RNLS: variants seen among roughly 807,000 people sequenced by gnomAD.
RNLS encodes renalase, FAD dependent amine oxidase, also known as renalase.
RNLS carries 39 observed loss-of-function variants against 39.8 expected under a neutral mutation model. The observed-to-expected ratio is 0.98, with a 90% CI of 0.76 to 1.28. The LOEUF is 1.28. RNLS is among the 50% of genes most tolerant of loss of function. The pLI is 0.00. For missense variants in RNLS, 410 were observed against 413.3 expected (o/e 0.99, Z 0.07); for synonymous variants, 147 against 150.7 (o/e 0.98, Z 0.18).
chr10:88,410,049 A>C (rs192451046), intron 4 of RNLS, among the ~76,000 whole-genome samples: 1 of 152,228 alleles, frequency 6.6e-6, no homozygotes, highest in African/African-American at 2.4e-5. Context: ...GTGTTCAGCA[A>C]AACTTTACTT....
the RNLS span, among the ~76,000 whole-genome samples, chr10:88,208,539 A>G: frequency 4.6e-5 from 7 of 152,202 alleles, no homozygotes; most frequent in African/African-American, 1.7e-4. Flanking sequence ...ACTAGAATAG[A>G]GAGCCAATAA....
chr10:88,419,349 G>C (rs1394385317), intron 4 of RNLS, among the ~76,000 whole-genome samples: 1 of 152,182 alleles, frequency 6.6e-6, no homozygotes, highest in African/African-American at 2.4e-5. Flanking sequence ...TTCTGTCTTA[G>C]AGATCATTCA....
At chr10:88,262,765 A>G in the RNLS span, among the ~76,000 whole-genome samples, 1 of 152,228 alleles carries the variant, frequency 6.6e-6, no homozygotes, top group Non-Finnish European at 1.5e-5. Flanking sequence ...GATTTGACTG[A>G]AAACACATTT....
chr10:88,387,907 C>T (rs1313935495), intron 4 of RNLS, among the ~76,000 whole-genome samples: 1 of 152,170 alleles, frequency 6.6e-6, no homozygotes, highest in Non-Finnish European at 1.5e-5. Flanking sequence ...CACGACCACA[C>T]ACCTTGAAAA....
intron 4 of RNLS, among the ~76,000 whole-genome samples, chr10:88,419,341 CTG>C (rs761056626): frequency 1.4e-4 from 21 of 152,156 alleles, no homozygotes; most frequent in Non-Finnish European, 8.8e-5. Flanking sequence ...TGCAAGAATT[CTG>C]TCTTAGAGAT....
Position 88,529,303 on chromosome 10 carries a change from T to C in RNLS, c.526+43600A>G, listed in dbSNP as rs200756539. Among the ~76,000 whole-genome samples, 6 of 152,280 alleles carry C rather than the reference T, an allele frequency of 3.9e-5. No homozygotes were observed. The East Asian group carries it at 1.2e-3, about 29-fold the overall frequency. ...CTACCATAAATTGTATAGGGGCAGG[T>C]TCTCCCCTGCAAAGGTATGTGGTTT... On this transcript the variant is annotated intron_variant, in intron 4 of 6. Transcript: ENST00000331772.
chr10:88,518,600 A>C (rs2134184827), intron 4 of RNLS, among the ~76,000 whole-genome samples: 1 of 152,044 alleles, frequency 6.6e-6, no homozygotes, highest in East Asian at 1.9e-4. Flanking sequence ...GTATCTAGCA[A>C]GATAGGCACA....
At chr10:88,309,141 G>T (rs941194578) in intron 6 of RNLS, among the ~76,000 whole-genome samples, 1 of 152,104 alleles carries the variant, frequency 6.6e-6, no homozygotes, top group African/African-American at 2.4e-5. Flanking sequence ...GGTATAGGGT[G>T]GGAGAAGGGA....
intron 4 of RNLS, among the ~76,000 whole-genome samples, chr10:88,453,020 T>C (rs1396631244): frequency 6.6e-6 from 1 of 152,172 alleles, no homozygotes; most frequent in Non-Finnish European, 1.5e-5. Flanking sequence ...GAATTCTGAA[T>C]GGTTGGATAG....
chr10:88,200,378 G>A, the RNLS span, among the ~76,000 whole-genome samples: 2 of 152,172 alleles, frequency 1.3e-5, no homozygotes, highest in Admixed American at 1.3e-4. Flanking sequence ...GTCCTAGGAA[G>A]TAGATGTTTC....
the RNLS span, among the ~76,000 whole-genome samples, chr10:88,214,724 T>C: frequency 6.6e-6 from 1 of 152,340 alleles, no homozygotes; most frequent in East Asian, 1.9e-4. Flanking sequence ...TTAAAACATG[T>C]TCCTTTTTAA....
downstream of RNLS, among the ~76,000 whole-genome samples, chr10:88,271,646 G>A (rs1177493488): frequency 6.6e-6 from 1 of 152,172 alleles, no homozygotes; most frequent in Non-Finnish European, 1.5e-5. Flanking sequence ...TTTTCAGCTT[G>A]TCTTATGTGG....
chr10:88,176,720 T>C, the RNLS span, among the ~76,000 whole-genome samples: 17 of 152,212 alleles, frequency 1.1e-4, no homozygotes, highest in Admixed American at 9.2e-4. Context: ...GTTTTTTTTC[T>C]GTTTCTGTAA....
intron 4 of RNLS, among the ~76,000 whole-genome samples, chr10:88,541,151 C>T (rs1338681178): frequency 6.6e-6 from 1 of 152,104 alleles, no homozygotes; most frequent in Non-Finnish European, 1.5e-5. Flanking sequence ...AAGATTTAAA[C>T]TTTATGAGCA....
intron 4 of RNLS, among the ~76,000 whole-genome samples, chr10:88,558,460 TA>T (rs1848990865): frequency 6.6e-6 from 1 of 152,204 alleles, no homozygotes; most frequent in Non-Finnish European, 1.5e-5. Context: ...TTTATGTTGT[TA>T]TTTTTTTTCT....
chr10:88,558,205 C>T (rs1325220259), intron 4 of RNLS, among the ~76,000 whole-genome samples: 2 of 152,054 alleles, frequency 1.3e-5, no homozygotes, highest in Non-Finnish European at 2.9e-5. Flanking sequence ...AAAGGTATAC[C>T]GCTCCAATTA....
intron 4 of RNLS, among the ~76,000 whole-genome samples, chr10:88,368,553 T>A (rs1473107953): frequency 2.0e-5 from 3 of 152,130 alleles, no homozygotes; most frequent in Non-Finnish European, 4.4e-5. Context: ...GTGTTATGTT[T>A]TTTCTCTAAA....
intron 3 of RNLS, among the ~76,000 whole-genome samples, chr10:88,578,131 C>T (rs985762413): frequency 5.9e-5 from 9 of 152,188 alleles, no homozygotes; most frequent in African/African-American, 2.2e-4. Flanking sequence ...CAAGAGATTA[C>T]TATGTGACTG....
At chr10:88,405,707 T>C (rs529555536) in intron 4 of RNLS, among the ~76,000 whole-genome samples, 2 of 152,216 alleles carry the variant, frequency 1.3e-5, no homozygotes, top group South Asian at 4.1e-4. Context: ...AATGTTAGTA[T>C]TGAAATGTGA....
Sources: gnomAD v4.1 joint callset for allele counts (sites outside exome capture counted in the v4.1 genomes callset) on GRCh38, gnomAD v4.1.1 for gene constraint, MANE v1.5 for transcripts, NCBI Gene and HGNC (gene_info 2026-07-23, HGNC 2026-07-21) for gene names.